KCNQ3: variants seen among roughly 807,000 people sequenced by gnomAD.
KCNQ3 encodes potassium voltage-gated channel subfamily KQT member 3.
Under a neutral mutation model 92.5 loss-of-function variants are expected in KCNQ3, and 30 were observed. The ratio of observed to expected loss-of-function variants is 0.32; its 90% CI spans 0.24 to 0.44. KCNQ3 has a LOEUF of 0.44. Among genes scored for constraint, KCNQ3 ranks in the 20% least tolerant of loss-of-function variants. The pLI, the probability that KCNQ3 is intolerant of heterozygous loss-of-function variation, is 1.00. For synonymous variants in KCNQ3, 450 were observed against 468.8 expected (o/e 0.96, Z 0.52); for missense variants, 913 against 1,140.3 (o/e 0.80, Z 2.87).
chr8:132,234,689 C>A lies in KCNQ3; in HGVS notation c.387-48508G>T, dbSNP rs566787472. 1.6e-4 allele frequency among the ~76,000 whole-genome samples: 24 copies of A among 152,298 alleles called. No individual in the cohort carries two copies. The South Asian group carries it at 5.0e-3, about 32-fold the overall frequency. On this transcript the variant is annotated intron_variant, in intron 1 of 14. Coordinates refer to ENST00000388996, the MANE Select transcript of KCNQ3 (RefSeq NM_004519.4). ...CATTTTTCAGATTGAGAAACTAAGGCTCAGACCAATTAAGTGATTTGACTC... is the reference window on the plus strand; with the variant it reads ...CATTTTTCAGATTGAGAAACTAAGGATCAGACCAATTAAGTGATTTGACTC...
chr8:132,248,799 T>C lies in KCNQ3; in HGVS notation c.387-62618A>G, dbSNP rs117955244. On this transcript the variant is annotated intron_variant, in intron 1 of 14. Coordinates refer to ENST00000388996, the MANE Select transcript of KCNQ3 (RefSeq NM_004519.4). The stretch of plus-strand genomic sequence containing the variant: ...ACAAGATCCAGCTGAATTACTTTGT[T>C]TAGAGGCAATAAAGAGACAGATGTT... Among the ~76,000 whole-genome samples the C allele has an allele frequency of 5.1e-3, 774 of 152,284 alleles. 2 individuals are homozygous for C. The highest frequency in any genetic ancestry group is 7.4e-3 in the Admixed American group (113 of 15,296).
intron 1 of KCNQ3, among the ~76,000 whole-genome samples, chr8:132,186,942 G>GAGAGAGAGAC: frequency 1.6e-5 from 2 of 122,112 alleles, no homozygotes; most frequent in South Asian, 2.8e-4. Context: ...GTGAGAGAGA[G>GAGAGAGAGAC]AGAGAGAGAG....
At chr8:132,314,093 A>G (rs1817673774) in intron 1 of KCNQ3, among the ~76,000 whole-genome samples, 1 of 152,246 alleles carries the variant, frequency 6.6e-6, no homozygotes, top group Non-Finnish European at 1.5e-5. Flanking sequence ...AAAATTGAAC[A>G]AAACAAACAG....
chr8:132,155,663 G>T (rs1030807214), intron 9 of KCNQ3, among the ~76,000 whole-genome samples: 2 of 152,146 alleles, frequency 1.3e-5, no homozygotes, highest in Admixed American at 1.3e-4. Flanking sequence ...AACGTCTAAC[G>T]TGGCAAAACA....
chr8:132,339,911 G>C (rs945426421), intron 1 of KCNQ3, among the ~76,000 whole-genome samples: 18 of 151,246 alleles, frequency 1.2e-4, no homozygotes, highest in African/African-American at 4.4e-4. Flanking sequence ...CAACACAAAG[G>C]CCTTCTCTGT....
intron 1 of KCNQ3, among the ~76,000 whole-genome samples, chr8:132,433,936 C>T (rs1821317512): frequency 6.6e-6 from 1 of 151,506 alleles, no homozygotes; most frequent in Non-Finnish European, 1.5e-5. Context: ...AGGCCGGGCA[C>T]GGTGGCTCAT....
intron 1 of KCNQ3, among the ~76,000 whole-genome samples, chr8:132,265,433 G>A (rs983601466): frequency 6.6e-5 from 10 of 152,284 alleles, no homozygotes; most frequent in East Asian, 1.9e-4. Context: ...ACACTAAACC[G>A]CAAGGGAAGG....
chr8:132,452,154 C>G (rs900339674), intron 1 of KCNQ3, among the ~76,000 whole-genome samples: 1 of 152,132 alleles, frequency 6.6e-6, no homozygotes, highest in Admixed American at 6.5e-5. Flanking sequence ...TAACCACATT[C>G]GCATCGTTGT....
At chr8:132,458,421 A>G (rs1311295245) in intron 1 of KCNQ3, among the ~76,000 whole-genome samples, 1 of 152,214 alleles carries the variant, frequency 6.6e-6, no homozygotes, top group African/African-American at 2.4e-5. Context: ...CCCGCCAATC[A>G]ACTTTTTAAA....
chr8:132,161,080 C>T (rs1022854876), intron 9 of KCNQ3, among the ~76,000 whole-genome samples: 1 of 152,106 alleles, frequency 6.6e-6, no homozygotes, highest in Non-Finnish European at 1.5e-5. Context: ...GGCTTATGTT[C>T]CACAGACAAG....
chr8:132,346,410 G>A (rs1818690067), intron 1 of KCNQ3, among the ~76,000 whole-genome samples: 1 of 152,182 alleles, frequency 6.6e-6, no homozygotes, highest in African/African-American at 2.4e-5. Flanking sequence ...GGAGCCTAGA[G>A]AGGCGGAGGC....
At chr8:132,276,826 A>G (rs929058533) in intron 1 of KCNQ3, among the ~76,000 whole-genome samples, 14 of 152,326 alleles carry the variant, frequency 9.2e-5, no homozygotes, top group African/African-American at 3.4e-4. Context: ...GACCCCTTAG[A>G]GGTCATGTCC....
intron 1 of KCNQ3, among the ~76,000 whole-genome samples, chr8:132,305,584 A>T (rs2130597081): frequency 6.6e-6 from 1 of 152,242 alleles, no homozygotes. Flanking sequence ...CAACCACAGG[A>T]GCCAGGAGAG....
intron 3 of KCNQ3, 36 bp downstream of exon 3, chr8:132,184,205 A>G: frequency 6.2e-7 from 1 of 1,613,720 alleles, no homozygotes; most frequent in South Asian, 1.1e-5. Context: ...AAAGAAGGGA[A>G]CTGAGGAGGC....
At chr8:132,423,963 G>C (rs1260723418) in intron 1 of KCNQ3, among the ~76,000 whole-genome samples, 2 of 151,938 alleles carry the variant, frequency 1.3e-5, no homozygotes, top group African/African-American at 4.8e-5. Context: ...AATTATTTCT[G>C]GGATTTAAAA....
intron 1 of KCNQ3, among the ~76,000 whole-genome samples, chr8:132,333,018 T>TGGAC (rs1370740964): frequency 2.2e-4 from 10 of 44,496 alleles, no homozygotes; most frequent in African/African-American, 7.4e-4. Context: ...ATGAATGGAT[T>TGGAC]GGATGGATGG....
At chr8:132,145,350 G>C (rs918704831) in intron 9 of KCNQ3, among the ~76,000 whole-genome samples, 3 of 152,232 alleles carry the variant, frequency 2.0e-5, no homozygotes, top group African/African-American at 4.8e-5. Context: ...TTAACAAAAT[G>C]TGTCTAACCT....
intron 9 of KCNQ3, among the ~76,000 whole-genome samples, chr8:132,160,082 G>A (rs1825938143): frequency 6.6e-6 from 1 of 152,188 alleles, no homozygotes; most frequent in Non-Finnish European, 1.5e-5. Context: ...CAGGGTCAGG[G>A]GCAGAGGGTC....
intron 1 of KCNQ3, among the ~76,000 whole-genome samples, chr8:132,208,934 G>T (rs1365570889): frequency 6.6e-6 from 1 of 152,062 alleles, no homozygotes; most frequent in African/African-American, 2.4e-5. Context: ...ACTTGTATTT[G>T]TATCAGGGTC....
Sources: allele counts gnomAD v4.1 joint callset (sites outside exome capture counted in the v4.1 genomes callset), GRCh38; gene constraint gnomAD v4.1.1; transcripts MANE v1.5; gene names NCBI Gene and HGNC (gene_info 2026-07-23, HGNC 2026-07-21).